Variants in PMEL observed in about 807,000 individuals in gnomAD.
PMEL encodes premelanosome protein, also known as melanocyte protein PMEL.
PMEL carries 53 observed loss-of-function variants against 64.9 expected under a neutral mutation model. The ratio of observed to expected loss-of-function variants is 0.82; its 90% CI spans 0.66 to 1.03. PMEL has a LOEUF of 1.03. Ranked by LOEUF, PMEL falls within the 50% of genes least tolerant of loss-of-function variation. The probability of loss-of-function intolerance (pLI) is 0.00; values close to 1 mark genes in which losing one functional copy is unlikely to be tolerated. For synonymous variants in PMEL, 299 were observed against 316.2 expected (o/e 0.95, Z 0.58); for missense variants, 716 against 814.9 (o/e 0.88, Z 1.48).
intron 1 of PMEL, among the ~76,000 whole-genome samples, chr12:55,963,148 C>T (rs1290337501): frequency 2.7e-5 from 4 of 150,670 alleles, no homozygotes; most frequent in African/African-American, 9.8e-5. Flanking sequence ...CAGAGCAAGA[C>T]TCCGTCTCAA....
intron 3 of PMEL, among the ~76,000 whole-genome samples, chr12:55,960,817 G>A (rs1889074341): frequency 6.7e-6 from 1 of 150,206 alleles, no homozygotes; most frequent in Non-Finnish European, 1.5e-5. Context: ...GAAGTGCTGC[G>A]ATTACAGGCG....
chr12:55,956,031 G>C, intron 7 of PMEL, 72 bp downstream of exon 7: 1 of 1,166,968 alleles, frequency 8.6e-7, no homozygotes. Context: ...TCCTCCCAAG[G>C]TGTGCTTCCA....
intron 3 of PMEL, 131 bp downstream of exon 3, chr12:55,961,186 C>G (rs1195414849): frequency 1.2e-6 from 1 of 800,430 alleles, no homozygotes; most frequent in Non-Finnish European, 1.9e-6. Flanking sequence ...GCCTGGGCGA[C>G]AGAGCGAGAC....
rs750040742 is a variant in PMEL, at chr12:55,958,039, A to G, written c.515T>C (p.Ile172Thr). The G allele has an allele frequency of 3.2e-5, 51 of 1,614,076 alleles. No individual in the cohort carries two copies. Among genetic ancestry groups the G allele is most frequent in the Non-Finnish European group, 3.6e-5 (43 of 1,180,036 alleles). The change falls in exon 5 of 11, where the codon ATT becomes ACT. Residue 172 changes from isoleucine to threonine, a missense_variant. Ile to Thr is a moderately conservative substitution (Grantham distance 89). Coordinates refer to ENST00000548747, the MANE Select transcript of PMEL (RefSeq NM_001384361.1). ...GCCCAGCATTGCCCTGCCTGTCCCA[A>G]TGCTCAGCCCAGACACTGGGCCCCC... Reference protein sequence around the residue: ...VLGGPVSGLSIGTGRAMLGTH... With the variant: ...VLGGPVSGLSTGTGRAMLGTH...
At chr12:55,962,516 C>G in intron 1 of PMEL, among the ~76,000 whole-genome samples, 1 of 73,176 alleles carries the variant, frequency 1.4e-5, no homozygotes, top group Admixed American at 2.0e-4. Flanking sequence ...TATTATTACT[C>G]TTTTTTTTTT....
chr12:55,965,904 ACACCTGCTCATGTC>A lies in PMEL; in HGVS notation c.76+18_76+31del, dbSNP rs917363338. 1.2e-6 allele frequency: 2 copies of A among 1,613,650 alleles called. No homozygotes were observed. Among genetic ancestry groups the A allele is most frequent in the Non-Finnish European group, 1.7e-6 (2 of 1,179,664 alleles). On this transcript the variant is annotated intron_variant, in intron 1 of 10. Coordinates refer to ENST00000548747, the MANE Select transcript of PMEL (RefSeq NM_001384361.1). The stretch of plus-strand genomic sequence containing the variant: ...GCAGGGGGAATTCATCCCCAAGTTC[ACACCTGCTCATGTC>A]CACATATCCACACATACCTTTTGTA...
rs1888955359 is a variant in PMEL at position 55,957,922 on chromosome 12, C to G, written c.631+1G>C. 6.2e-7 allele frequency: 1 copy of G among 1,614,074 alleles called. No homozygotes were observed. The highest frequency in any genetic ancestry group is 8.5e-7 in the Non-Finnish European group (1 of 1,179,964). ...GGCCTTGCCCCTTCCTAAACCCTTA[C>G]CAGTAATGGTGAAGGCTGAGCTGGA... On this transcript the variant is annotated splice_donor_variant, in intron 5 of 10. Transcript: ENST00000548747. LOFTEE classifies it high-confidence loss of function.
intron 3 of PMEL, among the ~76,000 whole-genome samples, chr12:55,960,991 C>T (rs980736881): frequency 6.6e-6 from 1 of 150,574 alleles, no homozygotes. Context: ...ATCACAAGGT[C>T]AGGAGATGGA....
At chr12:55,958,972 G>A (rs1889001324) in intron 3 of PMEL, among the ~76,000 whole-genome samples, 1 of 150,980 alleles carries the variant, frequency 6.6e-6, no homozygotes, top group Non-Finnish European at 1.5e-5. Flanking sequence ...TAGAGACAGG[G>A]TCTTGCTATA....
intron 1 of PMEL, among the ~76,000 whole-genome samples, chr12:55,965,318 G>A (rs1158418535): frequency 6.6e-6 from 1 of 152,096 alleles, no homozygotes; most frequent in Admixed American, 6.5e-5. Flanking sequence ...ACTAGAACAA[G>A]AGAAGTCATA....
At position 55,965,952 on chromosome 12, in the gene PMEL, A is replaced by G. The variant is rs1423555652; in HGVS notation, c.60T>C (p.Ala20=). ...CACACATACCTTTTGTAGCCCCCAC[A>G]GCCAGCAAAGCACCTATCACAGCCA... ...LHLAVIGALL[A]VGATKVPRNQ... Residue 20 remains alanine, a synonymous_variant, in exon 1 of 11, where the codon GCT becomes GCC. Transcript: ENST00000548747. 3.1e-6 allele frequency: 5 copies of G among 1,614,106 alleles called. 1 individual carries two copies. Among genetic ancestry groups the G allele is most frequent in the African/African-American group, 2.7e-5 (2 of 74,948 alleles).
At chr12:55,960,064 C>T (rs1302263004) in intron 3 of PMEL, among the ~76,000 whole-genome samples, 25 of 151,340 alleles carry the variant, frequency 1.7e-4, no homozygotes, top group Admixed American at 1.6e-3. Flanking sequence ...TGGTGACATG[C>T]GCCTGTATCA....
Position 55,955,268 on chromosome 12 carries a change from C to T in PMEL, c.1850+6G>A, listed in dbSNP as rs749187531. The T allele has an allele frequency of 1.6e-5, 25 of 1,594,002 alleles. No individual in the cohort carries two copies. The South Asian group carries it at 2.8e-4, about 18-fold the overall frequency. ...GGGGGTCTGAGCTGTGTGATGAGGC[C>T]CTTACCTATATATCAGAGATGCAAG... On this transcript the variant is annotated splice_donor_region_variant and intron_variant, in intron 10 of 10. Coordinates refer to ENST00000548747, the MANE Select transcript of PMEL (RefSeq NM_001384361.1).
chr12:55,960,540 T>G (rs866219086), intron 3 of PMEL, among the ~76,000 whole-genome samples: 8,816 of 132,730 alleles, frequency 0.066, 270 homozygotes, highest in Middle Eastern at 0.093. Flanking sequence ...GCTTTCTGTT[T>G]TTTTTTTTTT....
chr12:55,960,107 A>T (rs1270043500), intron 3 of PMEL, among the ~76,000 whole-genome samples: 2 of 150,820 alleles, frequency 1.3e-5, no homozygotes, highest in Admixed American at 1.3e-4. Flanking sequence ...GCTACTCAGG[A>T]GGCTGAGGCG....
intron 1 of PMEL, 103 bp downstream of exon 1, chr12:55,965,833 G>A: frequency 7.3e-7 from 1 of 1,369,526 alleles, no homozygotes; most frequent in Non-Finnish European, 1.0e-6. Flanking sequence ...AGTGGGAGAC[G>A]CCTGAAATAT....
intron 10 of PMEL, among the ~76,000 whole-genome samples, chr12:55,954,867 A>G (rs1462245011): frequency 2.0e-5 from 3 of 152,062 alleles, no homozygotes; most frequent in African/African-American, 7.2e-5. Context: ...TTATGCCACT[A>G]TACTCCAGCC....
intron 6 of PMEL, 54 bp from the exon 7 acceptor site, chr12:55,956,273 G>T: frequency 8.7e-7 from 1 of 1,150,010 alleles, no homozygotes; most frequent in Non-Finnish European, 1.3e-6. Context: ...CTCATCTGGA[G>T]GCAGAGGCCA....
chr12:55,956,864 G>T, intron 6 of PMEL, 85 bp downstream of exon 6: 4 of 1,427,440 alleles, frequency 2.8e-6, no homozygotes, highest in Non-Finnish European at 2.9e-6. Flanking sequence ...CAAAGGATTG[G>T]GTAACATCTG....
Sources: allele counts gnomAD v4.1 joint callset (sites outside exome capture counted in the v4.1 genomes callset), GRCh38; gene constraint gnomAD v4.1.1; transcripts MANE v1.5; gene names NCBI Gene and HGNC (gene_info 2026-07-23, HGNC 2026-07-21).